The following CSMD1 variants were observed in gnomAD, a reference collection of about 807,000 sequenced individuals.
CSMD1 encodes the protein CUB and sushi domain-containing protein 1.
CSMD1 carries 213 observed loss-of-function variants against 417.5 expected under a neutral mutation model. That is an observed-to-expected ratio of 0.51 (90% CI 0.46 to 0.57). CSMD1 has a LOEUF of 0.57. Ranked by LOEUF, CSMD1 falls within the 20% of genes least tolerant of loss-of-function variation. CSMD1 has a pLI of 0.00. For synonymous variants in CSMD1, 2,862 were observed against 1,736.8 expected (o/e 1.65, Z -16.11); for missense variants, 6,923 against 4,529.7 (o/e 1.53, Z -15.17).
intron 13 of CSMD1, among the ~76,000 whole-genome samples, chr8:3,409,204 C>A (rs1812529208): frequency 6.6e-6 from 1 of 152,106 alleles, no homozygotes; most frequent in African/African-American, 2.4e-5. Flanking sequence ...TACATTTTGT[C>A]GAGTAGATGT....
chr8:4,078,559 C>G (rs76714948), intron 3 of CSMD1, among the ~76,000 whole-genome samples: 3 of 151,338 alleles, frequency 2.0e-5, no homozygotes, highest in Admixed American at 6.6e-5. Flanking sequence ...CCACTGCGCC[C>G]GGCTGATATC....
In CSMD1 at chr8:4,560,027, A is replaced by G. The variant is rs374981254; in HGVS notation, c.302+77315T>C. Among the ~76,000 whole-genome samples, 11 of 152,328 alleles carry G rather than the reference A, an allele frequency of 7.2e-5. No individual in the cohort carries two copies. In the East Asian group the frequency reaches 1.5e-3, roughly 21 times the overall value. ...GAAACTGTGGTCAGAAATGCAGTTG[A>G]CAGACAGCCTCCACCTGCCACCCTT... is the stretch of plus-strand genomic sequence containing the variant. On this transcript the variant is annotated intron_variant, in intron 2 of 69. Transcript: ENST00000635120.
chr8:3,649,869 T>A (rs973787590), intron 7 of CSMD1, among the ~76,000 whole-genome samples: 3 of 152,242 alleles, frequency 2.0e-5, no homozygotes, highest in Admixed American at 6.5e-5. Flanking sequence ...GTTTAACCTA[T>A]GTACACATTT....
chr8:3,365,963 T>C (rs17321311), intron 20 of CSMD1, among the ~76,000 whole-genome samples: 28,754 of 152,178 alleles, frequency 0.19, 3,166 homozygotes, highest in South Asian at 0.34. Context: ...TCTTCAGTTT[T>C]GGTTTGGGAG....
intron 49 of CSMD1, among the ~76,000 whole-genome samples, chr8:3,071,717 C>T (rs1585275788): frequency 1.3e-5 from 2 of 152,108 alleles, no homozygotes; most frequent in Non-Finnish European, 2.9e-5. Context: ...TCATCAACAC[C>T]ATTACAGCCA....
chr8:4,660,613 A>C (rs1420135178), intron 1 of CSMD1, among the ~76,000 whole-genome samples: 1 of 152,154 alleles, frequency 6.6e-6, no homozygotes, highest in Non-Finnish European at 1.5e-5. Flanking sequence ...TAAAATAAAA[A>C]ATATTATAAA....
intron 9 of CSMD1, among the ~76,000 whole-genome samples, chr8:3,577,847 G>A (rs1585398580): frequency 6.6e-6 from 1 of 152,120 alleles, no homozygotes; most frequent in African/African-American, 2.4e-5. Context: ...TGCATCTAGG[G>A]TTTTCTACTA....
At chr8:4,926,899 G>C (rs13250150) in intron 1 of CSMD1, among the ~76,000 whole-genome samples, 1 of 151,722 alleles carries the variant, frequency 6.6e-6, no homozygotes, top group African/African-American at 2.4e-5. Context: ...ATGAGCAAAG[G>C]TAACTTTGTT....
chr8:4,905,308 C>CT (rs1461554821), intron 1 of CSMD1, among the ~76,000 whole-genome samples: 2 of 152,216 alleles, frequency 1.3e-5, no homozygotes, highest in Non-Finnish European at 2.9e-5. Context: ...TAATGGATAA[C>CT]TCGCTGTGTC....
At chr8:4,130,407 T>C (rs944001751) in intron 3 of CSMD1, among the ~76,000 whole-genome samples, 6 of 152,204 alleles carry the variant, frequency 3.9e-5, no homozygotes, top group African/African-American at 1.4e-4. Flanking sequence ...TCAACTTTTT[T>C]ACTCTGCCTC....
intron 12 of CSMD1, among the ~76,000 whole-genome samples, chr8:3,460,251 G>C (rs555673634): frequency 6.6e-6 from 1 of 152,172 alleles, no homozygotes; most frequent in South Asian, 2.1e-4. Flanking sequence ...GTCCATAGAA[G>C]AATGATCCTT....
intron 61 of CSMD1, 72 bp downstream of exon 61, chr8:2,962,394 C>T: frequency 1.5e-6 from 2 of 1,362,982 alleles, no homozygotes; most frequent in Admixed American, 2.1e-5. Context: ...CACAAATGAC[C>T]CAATTTCGGA....
intron 25 of CSMD1, among the ~76,000 whole-genome samples, chr8:3,301,624 G>T (rs12678461): frequency 1.3e-5 from 2 of 152,170 alleles, no homozygotes; most frequent in Non-Finnish European, 2.9e-5. Context: ...CAGTAGCACA[G>T]GCTATGATCA....
chr8:4,873,701 C>A (rs770640227), intron 1 of CSMD1, among the ~76,000 whole-genome samples: 1 of 152,094 alleles, frequency 6.6e-6, no homozygotes, highest in Non-Finnish European at 1.5e-5. Context: ...GAGAACTAAT[C>A]AAACTAAACC....
intron 2 of CSMD1, among the ~76,000 whole-genome samples, chr8:4,434,432 A>G (rs1307737917): frequency 6.6e-6 from 1 of 152,206 alleles, no homozygotes; most frequent in East Asian, 1.9e-4. Flanking sequence ...TTTTGAACTC[A>G]GCCCTTGGCT....
chr8:4,283,578 C>A (rs1020314951), intron 3 of CSMD1, among the ~76,000 whole-genome samples: 2 of 152,156 alleles, frequency 1.3e-5, no homozygotes, highest in Admixed American at 1.3e-4. Flanking sequence ...AAGTCTTCAA[C>A]ATGTAATTTA....
At chr8:4,655,896 G>T (rs1804199187) in intron 1 of CSMD1, among the ~76,000 whole-genome samples, 2 of 152,132 alleles carry the variant, frequency 1.3e-5, no homozygotes, top group African/African-American at 4.8e-5. Flanking sequence ...AATATTGATT[G>T]ACTGTCAACT....
At chr8:4,568,291 A>T (rs1442076077) in intron 2 of CSMD1, among the ~76,000 whole-genome samples, 2 of 151,436 alleles carry the variant, frequency 1.3e-5, no homozygotes, top group African/African-American at 4.9e-5. Context: ...TTACCCCACC[A>T]CCCGAAAGGC....
intron 5 of CSMD1, among the ~76,000 whole-genome samples, chr8:3,878,889 A>G (rs531004325): frequency 7.2e-5 from 11 of 152,232 alleles, no homozygotes; most frequent in South Asian, 2.1e-4. Context: ...TTATTCACCA[A>G]TATCACAAGT....
Sources: allele counts gnomAD v4.1 joint callset (sites outside exome capture counted in the v4.1 genomes callset), GRCh38; gene constraint gnomAD v4.1.1; transcripts MANE v1.5; gene names NCBI Gene and HGNC (gene_info 2026-07-23, HGNC 2026-07-21).